DOCK4: variants seen among roughly 807,000 people sequenced by gnomAD.
DOCK4 encodes dedicator of cytokinesis 4.
In DOCK4, 97 loss-of-function variants were observed where a neutral mutation model predicts 268.1. The observed-to-expected ratio is 0.36, with a 90% CI of 0.31 to 0.43. DOCK4 has a LOEUF of 0.43. Among genes scored for constraint, DOCK4 ranks in the 20% least tolerant of loss-of-function variants. DOCK4 has a pLI of 1.00. For missense variants in DOCK4, 2,145 were observed against 2,455.7 expected, an observed-to-expected ratio of 0.87 and a Z score of 2.67; for synonymous variants, 954 against 887.2, an observed-to-expected ratio of 1.08 and a Z score of -1.34.
At chr7:111,925,456 T>C (rs1171035843) in intron 12 of DOCK4, among the ~76,000 whole-genome samples, 1 of 152,094 alleles carries the variant, frequency 6.6e-6, no homozygotes, top group Non-Finnish European at 1.5e-5. Context: ...GACAATACTA[T>C]CGGAAAATGA....
chr7:111,979,060 T>A (rs1798413275), intron 7 of DOCK4, among the ~76,000 whole-genome samples: 1 of 152,180 alleles, frequency 6.6e-6, no homozygotes, highest in African/African-American at 2.4e-5. Flanking sequence ...AGGGATAAGG[T>A]AAATGACCCT....
At chr7:111,799,668 C>A (rs1238816572) in intron 30 of DOCK4, among the ~76,000 whole-genome samples, 1 of 152,148 alleles carries the variant, frequency 6.6e-6, no homozygotes, top group Non-Finnish European at 1.5e-5. Flanking sequence ...AAATAAGTAA[C>A]TAAGTAAGGG....
intron 16 of DOCK4, among the ~76,000 whole-genome samples, chr7:111,877,478 T>C (rs1447009474): frequency 6.6e-6 from 1 of 152,200 alleles, no homozygotes; most frequent in Non-Finnish European, 1.5e-5. Flanking sequence ...CTCTAAAATC[T>C]CATTGTGTTG....
intron 1 of DOCK4, among the ~76,000 whole-genome samples, chr7:112,168,739 G>C (rs1267684549): frequency 6.6e-6 from 1 of 152,082 alleles, no homozygotes; most frequent in Non-Finnish European, 1.5e-5. Context: ...AGTAACATAA[G>C]GACTTAGGTC....
rs527378494 is a variant in DOCK4 at position 111,877,089 on chromosome 7, G to C, written c.1685C>G (p.Ala562Gly). 6.3e-7 allele frequency: 1 copy of C among 1,590,606 alleles called. No individual in the cohort carries two copies. Among genetic ancestry groups the C allele is most frequent in the South Asian group, 1.2e-5 (1 of 86,756 alleles). ...TGTAATACAAAAGGACTCCTTTGTG[G>C]CCTTCATGGCTTGATTATTATTCCC... ...FLGNNNQAMK[A>G]TKESFCITSF... is the part of the protein sequence containing the mutation. Residue 562 changes from alanine to glycine, a missense_variant, in exon 17 of 53, where the codon GCC becomes GGC. Ala to Gly is a moderately conservative substitution (Grantham distance 60). Around this residue, in one of 2 missense-constraint regions of DOCK4, gnomAD observed 1,598 missense variants for 1,986.7 expected, o/e 0.80. Transcript: ENST00000428084.
At chr7:112,072,386 G>A (rs1174290897) in intron 1 of DOCK4, among the ~76,000 whole-genome samples, 2 of 152,126 alleles carry the variant, frequency 1.3e-5, no homozygotes, top group East Asian at 1.9e-4. Flanking sequence ...ATCTGATAAC[G>A]CTAGGGTCAG....
At chr7:111,793,410 A>G (rs957221700) in intron 30 of DOCK4, among the ~76,000 whole-genome samples, 1 of 152,224 alleles carries the variant, frequency 6.6e-6, no homozygotes, top group Non-Finnish European at 1.5e-5. Context: ...AAATTACTAT[A>G]AACACAAAGA....
At chr7:112,073,188 T>C (rs1248176822) in intron 1 of DOCK4, among the ~76,000 whole-genome samples, 4 of 152,156 alleles carry the variant, frequency 2.6e-5, no homozygotes, top group South Asian at 2.1e-4. Flanking sequence ...GTCTCTCATT[T>C]TGTCTATGTC....
At chr7:111,932,549 T>C (rs1794287362) in intron 12 of DOCK4, among the ~76,000 whole-genome samples, 1 of 152,160 alleles carries the variant, frequency 6.6e-6, no homozygotes. Flanking sequence ...GGAGTAGCAC[T>C]GACTCAGAAG....
At chr7:112,056,032 T>C (rs1805785966) in intron 1 of DOCK4, among the ~76,000 whole-genome samples, 2 of 152,104 alleles carry the variant, frequency 1.3e-5, no homozygotes. Context: ...AATACTATGA[T>C]CAGAGGAAAC....
At chr7:111,960,523 CTTTTTTTTTTTTT>C (rs753880464) in intron 8 of DOCK4, among the ~76,000 whole-genome samples, 15 of 78,488 alleles carry the variant, frequency 1.9e-4, no homozygotes, top group African/African-American at 6.8e-4. Flanking sequence ...ACCTCATGTG[CTTTTTTTTTTTTT>C]TTTTTTTTTT....
intron 12 of DOCK4, among the ~76,000 whole-genome samples, chr7:111,928,705 A>T (rs1046237167): frequency 2.0e-5 from 3 of 150,676 alleles, no homozygotes; most frequent in Non-Finnish European, 2.9e-5. Context: ...CTCCTGCCTC[A>T]GCCTCCTGAG....
chr7:111,820,352 C>A (rs1801882504), intron 27 of DOCK4: 1 of 152,230 alleles, frequency 6.6e-6, no homozygotes, highest in Admixed American at 6.5e-5. Flanking sequence ...CCTACCAGCA[C>A]TCACATGGGT....
rs370385066 is a variant in DOCK4 at position 112,184,341 on chromosome 7, C to T, written c.37+21761G>A. On this transcript the variant is annotated intron_variant, in intron 1 of 52. Coordinates refer to ENST00000428084, the MANE Select transcript of DOCK4 (RefSeq NM_001363540.2). ...CTGGGCAGGGTCAGGTTTTCCCTAA[C>T]GCACCCCTCTGTATGATCTGCAGGC... 7.2e-5 allele frequency among the ~76,000 whole-genome samples: 11 copies of T among 152,260 alleles called. No individual in the cohort carries two copies. In the South Asian group the frequency reaches 1.9e-3, roughly 26 times the overall value.
chr7:111,891,758 T>C (rs987068058), intron 16 of DOCK4, among the ~76,000 whole-genome samples: 1 of 152,254 alleles, frequency 6.6e-6, no homozygotes, highest in Non-Finnish European at 1.5e-5. Context: ...TTCTGGGCTT[T>C]AAAAATCTCT....
chr7:111,761,985 T>C (rs1797438076), intron 39 of DOCK4, among the ~76,000 whole-genome samples: 1 of 152,188 alleles, frequency 6.6e-6, no homozygotes, highest in Non-Finnish European at 1.5e-5. Context: ...AGCCCCCAAA[T>C]AAATATTTGA....
intron 30 of DOCK4, among the ~76,000 whole-genome samples, chr7:111,795,186 C>T (rs948915189): frequency 5.3e-5 from 8 of 152,262 alleles, no homozygotes; most frequent in Middle Eastern, 3.4e-3. Flanking sequence ...TAACCAGCTT[C>T]AGCTGGGTAC....
intron 28 of DOCK4, 89 bp from the exon 29 acceptor site, chr7:111,809,490 G>T: frequency 9.1e-7 from 1 of 1,101,158 alleles, no homozygotes; most frequent in Non-Finnish European, 1.3e-6. Flanking sequence ...TGCTTCAAAA[G>T]TGGTTGAGGG....
intron 1 of DOCK4, among the ~76,000 whole-genome samples, chr7:112,053,190 G>A (rs1333063704): frequency 2.0e-5 from 3 of 152,164 alleles, no homozygotes; most frequent in Non-Finnish European, 2.9e-5. Flanking sequence ...ACTAATTATA[G>A]TACAATATTT....
Sources: allele counts gnomAD v4.1 joint callset (sites outside exome capture counted in the v4.1 genomes callset), GRCh38; gene constraint gnomAD v4.1.1; regional missense constraint gnomAD v4.1.1; transcripts MANE v1.5; gene names NCBI Gene and HGNC (gene_info 2026-07-23, HGNC 2026-07-21).